SGCZ: variants seen among roughly 807,000 people sequenced by gnomAD.
SGCZ encodes sarcoglycan zeta, also known as zeta-sarcoglycan.
In SGCZ, 40 loss-of-function variants were observed where a neutral mutation model predicts 41.3. The ratio of observed to expected loss-of-function variants is 0.97; its 90% CI spans 0.75 to 1.26. The LOEUF (loss-of-function observed/expected upper bound fraction) is 1.26. Ranked by LOEUF, SGCZ falls within the 50% of genes most tolerant of loss-of-function variation. The probability of loss-of-function intolerance (pLI) is 0.00; values close to 1 mark genes in which losing one functional copy is unlikely to be tolerated. For synonymous variants in SGCZ, 206 were observed against 137.5 expected (o/e 1.50, Z -3.49); for missense variants, 552 against 369.8 (o/e 1.49, Z -4.04).
chr8:14,127,135 A>G (rs921794830), intron 5 of SGCZ, among the ~76,000 whole-genome samples: 1 of 152,188 alleles, frequency 6.6e-6, no homozygotes, highest in African/African-American at 2.4e-5. Flanking sequence ...CACGTTCTGC[A>G]CATGTATCCT....
At position 14,507,852 on chromosome 8, in the gene SGCZ, A is replaced by G. The variant is rs373864803; in HGVS notation, c.234+46880T>C. Among the ~76,000 whole-genome samples, 4 of 151,028 alleles carry G rather than the reference A, an allele frequency of 2.6e-5. No homozygotes were observed. The South Asian group carries it at 6.3e-4, about 24-fold the overall frequency. ...AATGGCGCGATCTCAGCTTACCGCAATCTCTGCCTCCCAGATTCAAAGGAT... is the reference window on the plus strand; with the variant it reads ...AATGGCGCGATCTCAGCTTACCGCAGTCTCTGCCTCCCAGATTCAAAGGAT... On this transcript the variant is annotated intron_variant, in intron 2 of 7. Coordinates refer to ENST00000382080, the MANE Select transcript of SGCZ (RefSeq NM_139167.4).
chr8:15,078,011 G>GA (rs1554551710), intron 1 of SGCZ, among the ~76,000 whole-genome samples: 1 of 151,934 alleles, frequency 6.6e-6, no homozygotes, highest in Non-Finnish European at 1.5e-5. Flanking sequence ...TGGACTGGAG[G>GA]CCCCATGCAC....
At position 14,467,700 on chromosome 8, in the gene SGCZ, A is replaced by C. The variant is rs550575108; in HGVS notation, c.234+87032T>G. 2.0e-5 allele frequency among the ~76,000 whole-genome samples: 3 copies of C among 152,114 alleles called. No individual in the cohort carries two copies. The South Asian group carries it at 6.2e-4, about 32-fold the overall frequency. On this transcript the variant is annotated intron_variant, in intron 2 of 7. Coordinates refer to ENST00000382080, the MANE Select transcript of SGCZ (RefSeq NM_139167.4). ...AATTATTCTCTAGTTCTGAAGGCAT[A>C]TTTTCGGTCCTTCCTACACTTCCAT...
At chr8:14,901,498 T>C (rs975609480) in intron 1 of SGCZ, among the ~76,000 whole-genome samples, 3 of 152,184 alleles carry the variant, frequency 2.0e-5, no homozygotes, top group African/African-American at 7.2e-5. Context: ...ACTAAAAATG[T>C]ATCTGATTTG....
chr8:14,292,412 G>A (rs867189677), intron 3 of SGCZ, among the ~76,000 whole-genome samples: 1 of 151,932 alleles, frequency 6.6e-6, no homozygotes, highest in Non-Finnish European at 1.5e-5. Flanking sequence ...TAAAATTTAA[G>A]AAAGTAAGAA....
At chr8:14,535,848 G>C (rs987728847) in intron 2 of SGCZ, among the ~76,000 whole-genome samples, 1 of 151,822 alleles carries the variant, frequency 6.6e-6, no homozygotes, top group Non-Finnish European at 1.5e-5. Context: ...AAAAATTCAT[G>C]AAGTAATATT....
intron 1 of SGCZ, among the ~76,000 whole-genome samples, chr8:14,754,360 G>T (rs1799591817): frequency 6.6e-6 from 1 of 151,950 alleles, no homozygotes; most frequent in Non-Finnish European, 1.5e-5. Context: ...ACCTCTCTCT[G>T]TTTTTCTTCT....
chr8:14,435,220 G>A (rs957579271), intron 2 of SGCZ, among the ~76,000 whole-genome samples: 1 of 152,050 alleles, frequency 6.6e-6, no homozygotes, highest in South Asian at 2.1e-4. Context: ...TTAATATCTT[G>A]CATATTGCCA....
At chr8:15,189,338 A>T (rs970282763) in intron 1 of SGCZ, among the ~76,000 whole-genome samples, 1 of 152,178 alleles carries the variant, frequency 6.6e-6, no homozygotes, top group African/African-American at 2.4e-5. Context: ...TACAAAAGCA[A>T]ACATACGTTT....
chr8:15,146,065 G>A (rs1321441587), intron 1 of SGCZ, among the ~76,000 whole-genome samples: 2 of 151,994 alleles, frequency 1.3e-5, no homozygotes, highest in African/African-American at 4.8e-5. Context: ...GGGAAGAAGT[G>A]AGAGGGGCTA....
intron 1 of SGCZ, among the ~76,000 whole-genome samples, chr8:14,619,990 T>G (rs1806230167): frequency 6.6e-6 from 1 of 152,206 alleles, no homozygotes; most frequent in Admixed American, 6.5e-5. Flanking sequence ...AAGACAATCC[T>G]AAGCCAAAAG....
At chr8:15,187,108 T>C (rs963206060) in intron 1 of SGCZ, among the ~76,000 whole-genome samples, 4 of 152,186 alleles carry the variant, frequency 2.6e-5, no homozygotes, top group African/African-American at 4.8e-5. Flanking sequence ...CAATTTTGTT[T>C]ATTTAGCTCT....
In SGCZ at chr8:14,914,989, G is replaced by A. The variant is rs144067059; in HGVS notation, c.39+322596C>T. On this transcript the variant is annotated intron_variant, in intron 1 of 7. Coordinates refer to ENST00000382080, the MANE Select transcript of SGCZ (RefSeq NM_139167.4). ...TCGGAGAGAGGCATCATTTGGCAAT[G>A]AGCATGACATATCTTTGCTACATCT... Among the ~76,000 whole-genome samples, 13 of 152,120 alleles carry A rather than the reference G, an allele frequency of 8.5e-5. 1 individual carries two copies. Among genetic ancestry groups the A allele is most frequent in the South Asian group, 6.2e-4 (3 of 4,834 alleles).
At chr8:14,122,001 G>A (rs1331402393) in intron 5 of SGCZ, among the ~76,000 whole-genome samples, 8 of 152,042 alleles carry the variant, frequency 5.3e-5, no homozygotes, top group Admixed American at 2.0e-4. Context: ...TAAGGAGGCC[G>A]GGTGCTGTAG....
intron 3 of SGCZ, among the ~76,000 whole-genome samples, chr8:14,279,263 T>C (rs902287739): frequency 1.3e-5 from 2 of 152,048 alleles, no homozygotes; most frequent in Admixed American, 6.6e-5. Flanking sequence ...TCATAAAACA[T>C]AGCATTTACA....
chr8:14,265,512 G>T (rs117245583), intron 3 of SGCZ, among the ~76,000 whole-genome samples: 4 of 152,130 alleles, frequency 2.6e-5, no homozygotes, highest in Admixed American at 2.6e-4. Context: ...TTTCAAAATA[G>T]ACAATTCAGA....
At chr8:14,978,415 G>C (rs1326955916) in intron 1 of SGCZ, among the ~76,000 whole-genome samples, 1 of 114,102 alleles carries the variant, frequency 8.8e-6, no homozygotes, top group Admixed American at 9.3e-5. Flanking sequence ...AGGTTGTAGT[G>C]AGCCAAGATC....
chr8:15,191,747 G>GA (rs1319391466), intron 1 of SGCZ, among the ~76,000 whole-genome samples: 11 of 152,102 alleles, frequency 7.2e-5, no homozygotes, highest in African/African-American at 2.4e-4. Flanking sequence ...AGAAGCAGTT[G>GA]AAAAAATACT....
At chr8:14,255,562 AAGAC>A (rs1394832667) in intron 3 of SGCZ, among the ~76,000 whole-genome samples, 3 of 152,154 alleles carry the variant, frequency 2.0e-5, no homozygotes, top group South Asian at 4.1e-4. Context: ...CATCGCTAAA[AAGAC>A]AAAGTATAAA....
Sources: allele counts gnomAD v4.1 joint callset (sites outside exome capture counted in the v4.1 genomes callset), GRCh38; gene constraint gnomAD v4.1.1; transcripts MANE v1.5; gene names NCBI Gene and HGNC (gene_info 2026-07-23, HGNC 2026-07-21).